Variants in TGFBRAP1 observed in about 807,000 individuals in gnomAD.
TGFBRAP1 encodes the protein transforming growth factor-beta receptor-associated protein 1.
TGFBRAP1 carries 20 observed loss-of-function variants against 83.2 expected under a neutral mutation model. The observed-to-expected ratio is 0.24, with a 90% confidence interval of 0.17 to 0.35. The LOEUF (loss-of-function observed/expected upper bound fraction) is 0.35, where lower values mean the gene tolerates loss of function less well. Among genes scored for constraint, TGFBRAP1 ranks in the 10% least tolerant of loss-of-function variants. The probability of loss-of-function intolerance (pLI) is 1.00; values close to 1 mark genes in which losing one functional copy is unlikely to be tolerated. For missense variants in TGFBRAP1, 950 were observed against 1,099.4 expected (o/e 0.86, Z 1.92); for synonymous variants, 415 against 459.8 (o/e 0.90, Z 1.25).
At chr2:105,310,583 G>C (rs894817170) in intron 1 of TGFBRAP1, among the ~76,000 whole-genome samples, 1 of 151,998 alleles carries the variant, frequency 6.6e-6, no homozygotes, top group Non-Finnish European at 1.5e-5. Flanking sequence ...CATCTACCTC[G>C]GGGCTGTGGG....
chr2:105,312,156 G>A (rs1678715677), intron 1 of TGFBRAP1, among the ~76,000 whole-genome samples: 1 of 152,010 alleles, frequency 6.6e-6, no homozygotes, highest in Non-Finnish European at 1.5e-5. Context: ...ATCTCAAAAT[G>A]ATCGAAAATT....
At chr2:105,319,984 G>A (rs551260802) in intron 1 of TGFBRAP1, among the ~76,000 whole-genome samples, 2 of 152,020 alleles carry the variant, frequency 1.3e-5, no homozygotes, top group South Asian at 2.1e-4. Flanking sequence ...ATCTGGTACA[G>A]AGATAAATAT....
chr2:105,255,662 C>T, the TGFBRAP1 span, among the ~76,000 whole-genome samples: 3 of 152,174 alleles, frequency 2.0e-5, no homozygotes, highest in Admixed American at 2.0e-4. Context: ...GGCTTACACC[C>T]CAACCACCTC....
At chr2:105,255,427 T>C in the TGFBRAP1 span, among the ~76,000 whole-genome samples, 1 of 152,104 alleles carries the variant, frequency 6.6e-6, no homozygotes, top group Non-Finnish European at 1.5e-5. Context: ...GCTCAAGTGA[T>C]CCTCCTGCCT....
chr2:105,256,007 C>T, the TGFBRAP1 span, among the ~76,000 whole-genome samples: 4 of 152,206 alleles, frequency 2.6e-5, no homozygotes, highest in African/African-American at 7.2e-5. Flanking sequence ...GTTGGCCTCA[C>T]CATACCTCAC....
At chr2:105,274,882 T>C (rs1481707799) in intron 8 of TGFBRAP1, among the ~76,000 whole-genome samples, 1 of 152,188 alleles carries the variant, frequency 6.6e-6, no homozygotes, top group Non-Finnish European at 1.5e-5. Context: ...AGGGGAGCCA[T>C]GGAAGCGTAT....
intron 10 of TGFBRAP1, 134 bp downstream of exon 10, chr2:105,272,721 T>G (rs1419638364): frequency 8.2e-7 from 1 of 1,223,258 alleles, no homozygotes; most frequent in Non-Finnish European, 1.1e-6. Flanking sequence ...AAAAAAATCT[T>G]TTTAAAAAAA....
chr2:105,278,304 CAT>C (rs1212600237), intron 6 of TGFBRAP1, among the ~76,000 whole-genome samples: 1 of 152,116 alleles, frequency 6.6e-6, no homozygotes, highest in Non-Finnish European at 1.5e-5. Context: ...AATATAATTT[CAT>C]ATGTCTTTGG....
intron 2 of TGFBRAP1, among the ~76,000 whole-genome samples, chr2:105,303,327 A>G (rs1424731548): frequency 6.6e-6 from 1 of 152,210 alleles, no homozygotes; most frequent in African/African-American, 2.4e-5. Flanking sequence ...AGAAGGGCCT[A>G]GAAACAATGA....
chr2:105,316,456 T>TGCGC (rs1558654502), intron 1 of TGFBRAP1, among the ~76,000 whole-genome samples: 3 of 71,706 alleles, frequency 4.2e-5, no homozygotes, highest in African/African-American at 5.6e-5. Flanking sequence ...TGTGTGTGTG[T>TGCGC]GTGTGTGCGC....
In TGFBRAP1 at chr2:105,273,697, G is replaced by A. The variant is rs1677237996; in HGVS notation, c.1666-7C>T. On this transcript the variant is annotated splice_polypyrimidine_tract_variant and splice_region_variant and intron_variant, in intron 8 of 11. Transcript: ENST00000393359. The stretch of plus-strand genomic sequence containing the variant: ...TGAAAACCTGAACTCCGACCTGAAA[G>A]AGGAGCGACAATACAGTGACTGTGC... 6 of 1,613,954 alleles carry A rather than the reference G, an allele frequency of 3.7e-6. No individual in the cohort carries two copies. The African/African-American group carries it at 4.0e-5, about 11-fold the overall frequency.
Position 105,264,985 on chromosome 2 carries a change from C to T in TGFBRAP1, c.*2398G>A, listed in dbSNP as rs1411688789. 6.6e-6 allele frequency: 1 copy of T among 152,182 alleles called. No individual in the cohort carries two copies. The highest frequency in any genetic ancestry group is 1.9e-4 in the East Asian group (1 of 5,178). The allele number at this position is 152,182 out of a possible 1,614,324, so 9.4% of individuals were successfully genotyped here. Reference sequence around the variant, plus strand: ...CAGAAATATGATTTGAGAAAAGGGCCTTGTAGGAGTGAGAGAAAGGTTAGA... The same window carrying T: ...CAGAAATATGATTTGAGAAAAGGGCTTTGTAGGAGTGAGAGAAAGGTTAGA... On this transcript the variant is annotated 3_prime_UTR_variant, in exon 12 of 12. Coordinates refer to ENST00000393359, the MANE Select transcript of TGFBRAP1 (RefSeq NM_004257.6).
At chr2:105,278,822 C>T (rs955774347) in intron 6 of TGFBRAP1, among the ~76,000 whole-genome samples, 16 of 152,024 alleles carry the variant, frequency 1.1e-4, no homozygotes, top group Non-Finnish European at 2.1e-4. Context: ...GCTGACTCTA[C>T]GGATCCCACC....
chr2:105,282,050 G>T (rs1336020976), intron 5 of TGFBRAP1, among the ~76,000 whole-genome samples: 1 of 152,176 alleles, frequency 6.6e-6, no homozygotes, highest in Admixed American at 6.5e-5. Flanking sequence ...AGAAATTTCT[G>T]CTCATTGTTT....
At chr2:105,275,068 G>C (rs1677290127) in intron 8 of TGFBRAP1, among the ~76,000 whole-genome samples, 1 of 152,060 alleles carries the variant, frequency 6.6e-6, no homozygotes, top group Admixed American at 6.5e-5. Context: ...CTTGCTCATG[G>C]CTCCCCTCCC....
intron 11 of TGFBRAP1, among the ~76,000 whole-genome samples, chr2:105,268,443 A>T (rs1677023946): frequency 6.6e-6 from 1 of 152,234 alleles, no homozygotes; most frequent in Admixed American, 6.5e-5. Context: ...AAGGGAAAAA[A>T]ATAAAGGCTA....
In TGFBRAP1 at chr2:105,308,201, C is replaced by A. The variant is rs769359067; in HGVS notation, c.101G>T (p.Gly34Val). Residue 34 changes from glycine (G) to valine (V), a missense_variant, in exon 2 of 12, where the codon GGC becomes GTC. Physicochemically the swap from Gly to Val is moderately radical, Grantham distance 109 (BLOSUM62 -3). Coordinates refer to ENST00000393359, the MANE Select transcript of TGFBRAP1 (RefSeq NM_004257.6). ...GTTGGTGCCCACGTAGAGGTCCCTG[C>A]CGCAGCACTCCACGCACTCTATGTT... is the stretch of plus-strand genomic sequence containing the variant. ...RVNIECVECC[G>V]RDLYVGTNDC... 1 of 1,614,224 alleles carries A rather than the reference C, an allele frequency of 6.2e-7. No individual in the cohort carries two copies. The highest frequency in any genetic ancestry group is 8.5e-7 in the Non-Finnish European group (1 of 1,180,048).
downstream of TGFBRAP1, among the ~76,000 whole-genome samples, chr2:105,263,054 C>G (rs1676827293): frequency 6.6e-6 from 1 of 152,212 alleles, no homozygotes; most frequent in Non-Finnish European, 1.5e-5. Flanking sequence ...GAGTCAGACA[C>G]CAGTCTTTGC....
intron 4 of TGFBRAP1, among the ~76,000 whole-genome samples, chr2:105,294,925 C>T (rs2104367645): frequency 6.6e-6 from 1 of 152,150 alleles, no homozygotes; most frequent in South Asian, 2.1e-4. Context: ...CCCTGGACTT[C>T]CACACATCCA....
Sources: allele counts gnomAD v4.1 joint callset (sites outside exome capture counted in the v4.1 genomes callset), GRCh38; gene constraint gnomAD v4.1.1; transcripts MANE v1.5; gene names NCBI Gene and HGNC (gene_info 2026-07-23, HGNC 2026-07-21).